The following THSD7B variants were observed in gnomAD, a reference collection of about 807,000 sequenced individuals.
The protein encoded by THSD7B is thrombospondin type-1 domain-containing protein 7B.
In THSD7B, 138 loss-of-function variants were observed where a neutral mutation model predicts 213.6. That is an observed-to-expected ratio of 0.65 (90% confidence interval 0.56 to 0.74). The LOEUF is 0.74. Among genes scored for constraint, THSD7B ranks in the 30% least tolerant of loss-of-function variants. The pLI, the probability that THSD7B is intolerant of heterozygous loss-of-function variation, is 0.00. For synonymous variants in THSD7B, 742 were observed against 687.0 expected (o/e 1.08, Z -1.25); for missense variants, 1,931 against 1,991.5 (o/e 0.97, Z 0.58).
At chr2:137,387,500 ATAATT>A (rs1685923323) in intron 12 of THSD7B, among the ~76,000 whole-genome samples, 1 of 152,222 alleles carries the variant, frequency 6.6e-6, no homozygotes, top group Non-Finnish European at 1.5e-5. Flanking sequence ...TAAATGAAAT[ATAATT>A]AAGCATTAAA....
intron 17 of THSD7B, among the ~76,000 whole-genome samples, chr2:137,592,173 A>G (rs1422370002): frequency 6.6e-6 from 1 of 151,800 alleles, no homozygotes; most frequent in African/African-American, 2.4e-5. Context: ...TTTTTATTAA[A>G]AAACTTAAAT....
chr2:137,427,042 A>G (rs891388523), intron 14 of THSD7B, among the ~76,000 whole-genome samples: 8 of 152,160 alleles, frequency 5.3e-5, no homozygotes, highest in Non-Finnish European at 1.0e-4. Flanking sequence ...AGGATATGAA[A>G]AGTTGCTGAA....
chr2:137,113,425 T>C (rs1052295628), intron 4 of THSD7B, among the ~76,000 whole-genome samples: 1 of 152,040 alleles, frequency 6.6e-6, no homozygotes, highest in Non-Finnish European at 1.5e-5. Flanking sequence ...GGTTTTTGTG[T>C]GTGTGTTTTT....
chr2:137,022,465 A>C (rs909024242), intron 2 of THSD7B, among the ~76,000 whole-genome samples: 2 of 152,158 alleles, frequency 1.3e-5, no homozygotes, highest in Non-Finnish European at 2.9e-5. Flanking sequence ...ATTTGTAATG[A>C]AAATTTAGCA....
intron 2 of THSD7B, among the ~76,000 whole-genome samples, chr2:136,902,215 C>A (rs552783620): frequency 6.6e-6 from 1 of 152,292 alleles, no homozygotes; most frequent in East Asian, 1.9e-4. Context: ...GCAGGATATA[C>A]TGAATTTATC....
chr2:136,925,947 A>G (rs1684514771), intron 2 of THSD7B, among the ~76,000 whole-genome samples: 1 of 152,232 alleles, frequency 6.6e-6, no homozygotes, highest in Non-Finnish European at 1.5e-5. Context: ...AGGAAATTAT[A>G]TGATGAAATT....
intron 5 of THSD7B, among the ~76,000 whole-genome samples, chr2:137,159,364 G>T (rs1679967679): frequency 6.6e-6 from 1 of 151,972 alleles, no homozygotes; most frequent in African/African-American, 2.4e-5. Flanking sequence ...TTAAGTTGAT[G>T]CTACAGTGAG....
rs191968139 is a variant in THSD7B at position 137,101,754 on chromosome 2, A to C, written c.1199+6633A>C. Among the ~76,000 whole-genome samples, 9 of 152,284 alleles carry C rather than the reference A, an allele frequency of 5.9e-5. No individual in the cohort carries two copies. The East Asian group carries it at 1.7e-3, about 30-fold the overall frequency. On this transcript the variant is annotated intron_variant, in intron 4 of 27. Coordinates refer to ENST00000409968, the MANE Select transcript of THSD7B (RefSeq NM_001316349.2). ...CTTGAGTAGGTGGTTTTCCCCTCAC[A>C]GTGTAAACAAAGCTGCTGGGAAGTT... is the stretch of plus-strand genomic sequence containing the variant.
rs1210363889 is a variant in THSD7B, at chr2:137,294,583, CAA to C, written c.2500+18577_2500+18578del. Among the ~76,000 whole-genome samples, 428 of 73,210 alleles carry C rather than the reference CAA, an allele frequency of 5.8e-3. 3 individuals are homozygous for C. Among genetic ancestry groups the C allele is most frequent in the African/African-American group, 0.018 (373 of 20,220 alleles). 48.0% of individuals were successfully genotyped at this position (73,210 alleles called of 152,430 possible). On this transcript the variant is annotated intron_variant, in intron 12 of 27. Coordinates refer to ENST00000409968, the MANE Select transcript of THSD7B (RefSeq NM_001316349.2). Reference sequence around the variant, plus strand: ...GGGTGAAAAGAGTGAAACTCCATCTCAAAAAAAAAAAAAAAAAAAAAGAAAGG... The same window carrying C: ...GGGTGAAAAGAGTGAAACTCCATCTCAAAAAAAAAAAAAAAAAAAGAAAGG...
At chr2:136,819,428 T>A (rs1296757873) in intron 1 of THSD7B, among the ~76,000 whole-genome samples, 1 of 152,112 alleles carries the variant, frequency 6.6e-6, no homozygotes, top group Non-Finnish European at 1.5e-5. Flanking sequence ...ACTTTATCAA[T>A]CCAAACACCC....
At chr2:137,131,560 G>T (rs1384864561) in intron 5 of THSD7B, among the ~76,000 whole-genome samples, 3 of 152,266 alleles carry the variant, frequency 2.0e-5, no homozygotes, top group Non-Finnish European at 4.4e-5. Context: ...TTTTGTATAA[G>T]GTGTAAGGAA....
intron 2 of THSD7B, among the ~76,000 whole-genome samples, chr2:136,890,360 T>TC (rs1683804051): frequency 1.8e-4 from 1 of 5,460 alleles, no homozygotes; most frequent in African/African-American, 5.6e-4. Flanking sequence ...TTCTTCTTCT[T>TC]CTTCTTCTTC....
chr2:137,309,923 TG>T (rs1274238937), intron 12 of THSD7B, among the ~76,000 whole-genome samples: 10 of 152,100 alleles, frequency 6.6e-5, no homozygotes, highest in African/African-American at 2.2e-4. Flanking sequence ...ACATTTGGGT[TG>T]GTTCCAAGTC....
chr2:137,664,308 A>G (rs1048329527), intron 26 of THSD7B, among the ~76,000 whole-genome samples: 4 of 152,242 alleles, frequency 2.6e-5, no homozygotes, highest in African/African-American at 9.6e-5. Flanking sequence ...TACTAGTGAA[A>G]AGGTAAAGAG....
intron 17 of THSD7B, among the ~76,000 whole-genome samples, chr2:137,591,498 A>C (rs1681864410): frequency 6.6e-6 from 1 of 151,884 alleles, no homozygotes; most frequent in South Asian, 2.1e-4. Flanking sequence ...ATATTATTTA[A>C]GCTTTTTTAC....
intron 2 of THSD7B, among the ~76,000 whole-genome samples, chr2:137,020,587 C>A (rs1573771167): frequency 1.3e-5 from 2 of 152,228 alleles, no homozygotes; most frequent in East Asian, 3.9e-4. Flanking sequence ...GCAGTTATGG[C>A]AGAGAGGAGA....
intron 7 of THSD7B, among the ~76,000 whole-genome samples, chr2:137,206,054 T>G (rs1490621401): frequency 6.6e-6 from 1 of 151,950 alleles, no homozygotes; most frequent in African/African-American, 2.4e-5. Context: ...TCCTTTTTTT[T>G]TTTTATCTAA....
At chr2:137,399,170 C>T (rs1339797042) in intron 12 of THSD7B, among the ~76,000 whole-genome samples, 4 of 150,642 alleles carry the variant, frequency 2.7e-5, no homozygotes, top group Admixed American at 6.6e-5. Flanking sequence ...TGTTCCTATT[C>T]GGCCATCTTG....
At position 137,172,705 on chromosome 2, in the gene THSD7B, G is replaced by A. The variant is rs950202786; in HGVS notation, c.1723+1767G>A. ...CTGAGGAAGGAGTTGTGGGAACCCCGATGTATAACCATGGGTCAGAAGCAC... is the reference window on the plus strand; with the variant it reads ...CTGAGGAAGGAGTTGTGGGAACCCCAATGTATAACCATGGGTCAGAAGCAC... On this transcript the variant is annotated intron_variant, in intron 7 of 27. Coordinates refer to ENST00000409968, the MANE Select transcript of THSD7B (RefSeq NM_001316349.2). Among the ~76,000 whole-genome samples, 13 of 152,296 alleles carry A rather than the reference G, an allele frequency of 8.5e-5. No individual in the cohort carries two copies. The East Asian group carries it at 2.5e-3, about 29-fold the overall frequency.
Sources: gnomAD v4.1 joint callset for allele counts (sites outside exome capture counted in the v4.1 genomes callset) on GRCh38, gnomAD v4.1.1 for gene constraint, MANE v1.5 for transcripts, NCBI Gene and HGNC (gene_info 2026-07-23, HGNC 2026-07-21) for gene names.